The following GALNT18 variants were observed in gnomAD, a reference collection of about 807,000 sequenced individuals.
GALNT18 encodes GalNAc-transferase 18.
Under a neutral mutation model 69.5 loss-of-function variants are expected in GALNT18, and 44 were observed. The observed-to-expected ratio is 0.63, with a 90% CI of 0.50 to 0.81. The LOEUF is 0.81. Ranked by LOEUF, GALNT18 falls within the 40% of genes least tolerant of loss-of-function variation. The probability of loss-of-function intolerance (pLI) is 0.00; values close to 1 mark genes in which losing one functional copy is unlikely to be tolerated. For synonymous variants in GALNT18, 364 were observed against 318.2 expected (o/e 1.14, Z -1.53); for missense variants, 715 against 810.0 (o/e 0.88, Z 1.42).
intron 10 of GALNT18, among the ~76,000 whole-genome samples, chr11:11,272,933 C>T (rs1424504649): frequency 6.6e-6 from 1 of 152,110 alleles, no homozygotes; most frequent in Non-Finnish European, 1.5e-5. Context: ...AGACTTGGTT[C>T]TCTACACAAT....
At position 11,432,430 on chromosome 11, in the gene GALNT18, C is replaced by CTGGGA. The variant is rs1391599503; in HGVS notation, c.595+186_595+190dup. 6.6e-6 allele frequency among the ~76,000 whole-genome samples: 1 copy of CTGGGA among 152,202 alleles called. No homozygotes were observed. The highest frequency in any genetic ancestry group is 2.4e-5 in the African/African-American group (1 of 41,450). On this transcript the variant is annotated intron_variant, in intron 3 of 10. Transcript: ENST00000227756. This position sits in a 1 kb window ranked among gnomAD's most constrained non-coding sequence, Gnocchi z 5.8. ...GAAAAAGCCTAAGGACCAGACCCCTCTGGGATGCAGAGGCCATGCTCAGAC... is the reference window on the plus strand; with the variant it reads ...GAAAAAGCCTAAGGACCAGACCCCTCTGGGATGGGATGCAGAGGCCATGCTCAGAC...
At chr11:11,548,711 A>T (rs1052897425) in intron 1 of GALNT18, among the ~76,000 whole-genome samples, 5 of 152,258 alleles carry the variant, frequency 3.3e-5, no homozygotes, top group Non-Finnish European at 7.3e-5. Context: ...TGCACAATTT[A>T]TCACTTTTCC....
chr11:11,376,829 A>G (rs538253391), intron 5 of GALNT18, among the ~76,000 whole-genome samples: 1 of 152,338 alleles, frequency 6.6e-6, no homozygotes, highest in South Asian at 2.1e-4. Flanking sequence ...CCTGCATGGT[A>G]GAATAATGTT....
In GALNT18 at chr11:11,271,260, G is replaced by A. The variant is rs895518023; in HGVS notation, c.1708C>T (p.Arg570Cys). The part of the protein sequence containing the change: ...GGPIQNRKSK[R>C]CLELQENSDL... Reference sequence around the variant, plus strand: ...CTATTCTCCTGCAGCTCCAGACAGCGCTTAGACTTGCGGTTCTGGATGGGT... The same window carrying A: ...CTATTCTCCTGCAGCTCCAGACAGCACTTAGACTTGCGGTTCTGGATGGGT... Residue 570 changes from arginine (R) to cysteine (C), a missense_variant, in exon 11 of 11, where the codon CGC becomes TGC. Physicochemically the swap from Arg to Cys is radical, Grantham distance 180 (BLOSUM62 -3). Coordinates refer to ENST00000227756, the MANE Select transcript of GALNT18 (RefSeq NM_198516.3). The A allele has an allele frequency of 1.4e-5, 22 of 1,614,084 alleles. No homozygotes were observed. The highest frequency in any genetic ancestry group is 1.8e-5 in the Non-Finnish European group (21 of 1,179,986).
intron 1 of GALNT18, among the ~76,000 whole-genome samples, chr11:11,594,697 A>C (rs1859444083): frequency 6.6e-6 from 1 of 151,816 alleles, no homozygotes; most frequent in African/African-American, 2.4e-5. Flanking sequence ...ATATTTGTTT[A>C]TCCATTCATC....
chr11:11,275,037 T>C (rs1300305789), intron 10 of GALNT18, among the ~76,000 whole-genome samples: 1 of 152,238 alleles, frequency 6.6e-6, no homozygotes, highest in Non-Finnish European at 1.5e-5. Flanking sequence ...TAGAATGATT[T>C]ATGATACTTT....
At chr11:11,380,559 C>G (rs770142250) in intron 3 of GALNT18, among the ~76,000 whole-genome samples, 1 of 152,190 alleles carries the variant, frequency 6.6e-6, no homozygotes, top group East Asian at 1.9e-4. Context: ...TCTAAAGTCA[C>G]AACAACTTTG....
chr11:11,404,669 T>G lies in GALNT18; in HGVS notation c.596-25405A>C, dbSNP rs568852993. 1.5e-3 allele frequency among the ~76,000 whole-genome samples: 226 copies of G among 152,312 alleles called. 1 individual carries two copies. Among genetic ancestry groups the G allele is most frequent in the African/African-American group, 4.9e-3 (205 of 41,566 alleles). On this transcript the variant is annotated intron_variant, in intron 3 of 10. Coordinates refer to ENST00000227756, the MANE Select transcript of GALNT18 (RefSeq NM_198516.3). This position sits in a 1 kb window ranked among gnomAD's most constrained non-coding sequence, Gnocchi z 4.5. ...GCCCGCAGCCATATTCTCATTCAAA[T>G]GGGACTCTCTCTGTCTCAACTCTCA...
intron 10 of GALNT18, among the ~76,000 whole-genome samples, chr11:11,282,111 A>C (rs1303752005): frequency 6.6e-6 from 1 of 152,146 alleles, no homozygotes; most frequent in African/African-American, 2.4e-5. Flanking sequence ...CAGAGATAGC[A>C]CTGGCCACCA....
chr11:11,478,307 T>C (rs1441473006), intron 1 of GALNT18, among the ~76,000 whole-genome samples: 7 of 152,218 alleles, frequency 4.6e-5, no homozygotes, highest in Middle Eastern at 3.2e-3. Flanking sequence ...AATGTGAGCG[T>C]AGAATAAAGA....
chr11:11,462,889 G>A (rs1279450442), intron 1 of GALNT18, among the ~76,000 whole-genome samples: 3 of 152,120 alleles, frequency 2.0e-5, no homozygotes, highest in African/African-American at 7.2e-5. Flanking sequence ...CTGGGGAAAG[G>A]CAATCTGCTC....
At chr11:11,330,191 A>G (rs750456084) in intron 8 of GALNT18, among the ~76,000 whole-genome samples, 3 of 152,208 alleles carry the variant, frequency 2.0e-5, no homozygotes, top group Non-Finnish European at 4.4e-5. Flanking sequence ...GGGCTGGGCT[A>G]TAGACTTGAT....
At chr11:11,346,884 G>C (rs970261081) in intron 6 of GALNT18, among the ~76,000 whole-genome samples, 1 of 152,124 alleles carries the variant, frequency 6.6e-6, no homozygotes, top group African/African-American at 2.4e-5. Context: ...TTAAATCCTG[G>C]CTCTGTCATA....
Position 11,389,187 on chromosome 11 carries a change from G to T in GALNT18, c.596-9923C>A, listed in dbSNP as rs1161447627. 6.6e-6 allele frequency among the ~76,000 whole-genome samples: 1 copy of T among 152,178 alleles called. No individual in the cohort carries two copies. Among genetic ancestry groups the T allele is most frequent in the Non-Finnish European group, 1.5e-5 (1 of 68,030 alleles). ...TATTCCAAGTAACACAGAAGGTAAGGAAGGAGCAGGATTCGAACTCAGGCC... is the reference window on the plus strand; with the variant it reads ...TATTCCAAGTAACACAGAAGGTAAGTAAGGAGCAGGATTCGAACTCAGGCC... On this transcript the variant is annotated intron_variant, in intron 3 of 10. Transcript: ENST00000227756. The surrounding 1 kb of genome is among the most constrained non-coding windows in gnomAD (Gnocchi z 4.3).
chr11:11,386,458 G>T (rs539521999), intron 3 of GALNT18, among the ~76,000 whole-genome samples: 1 of 152,110 alleles, frequency 6.6e-6, no homozygotes, highest in South Asian at 2.1e-4. Context: ...AGTCACCAAG[G>T]GCCCCACCAA....
intron 10 of GALNT18, among the ~76,000 whole-genome samples, chr11:11,279,529 A>T (rs1385642996): frequency 6.6e-6 from 1 of 152,240 alleles, no homozygotes; most frequent in African/African-American, 2.4e-5. Context: ...TCAATAGTAC[A>T]GCAGACATAT....
chr11:11,576,658 AC>A (rs1283856921), intron 1 of GALNT18, among the ~76,000 whole-genome samples: 1 of 152,184 alleles, frequency 6.6e-6, no homozygotes, highest in Non-Finnish European at 1.5e-5. Context: ...TCGACCCTAG[AC>A]CCACCCAACT....
chr11:11,324,107 G>T (rs566768035), intron 9 of GALNT18, among the ~76,000 whole-genome samples: 40 of 152,302 alleles, frequency 2.6e-4, no homozygotes, highest in African/African-American at 8.2e-4. Context: ...AGACAAGAAA[G>T]GAGCCCTCAC....
intron 6 of GALNT18, among the ~76,000 whole-genome samples, chr11:11,342,598 C>G (rs1285900565): frequency 6.6e-6 from 1 of 152,210 alleles, no homozygotes; most frequent in African/African-American, 2.4e-5. Flanking sequence ...ATTTATCACT[C>G]ACTTAAGCTT....
Sources: gnomAD v4.1 joint callset for allele counts (sites outside exome capture counted in the v4.1 genomes callset) on GRCh38, gnomAD v4.1.1 for gene constraint, Gnocchi (gnomAD v3.1) non-coding constraint, MANE v1.5 for transcripts, NCBI Gene and HGNC (gene_info 2026-07-23, HGNC 2026-07-21) for gene names.